CNTNAP2: variants seen among roughly 807,000 people sequenced by gnomAD.
The protein encoded by CNTNAP2 is contactin-associated protein-like 2.
Under a neutral mutation model 155.2 loss-of-function variants are expected in CNTNAP2, and 98 were observed. The observed-to-expected ratio is 0.63, with a 90% CI of 0.54 to 0.75. The LOEUF is 0.75. Among genes scored for constraint, CNTNAP2 ranks in the 30% least tolerant of loss-of-function variants. The pLI, the probability that CNTNAP2 is intolerant of heterozygous loss-of-function variation, is 0.00. For missense variants in CNTNAP2, 1,727 were observed against 1,688.1 expected, an observed-to-expected ratio of 1.02 and a Z score of -0.40; for synonymous variants, 651 against 631.2, an observed-to-expected ratio of 1.03 and a Z score of -0.47.
At chr7:148,091,091 T>G (rs1372809843) in intron 15 of CNTNAP2, among the ~76,000 whole-genome samples, 1 of 151,994 alleles carries the variant, frequency 6.6e-6, no homozygotes, top group Non-Finnish European at 1.5e-5. Flanking sequence ...TAGGTAGATC[T>G]TAGCCAAAGG....
chr7:148,011,180 TTG>T (rs1482456268), intron 15 of CNTNAP2, among the ~76,000 whole-genome samples: 2 of 152,146 alleles, frequency 1.3e-5, no homozygotes, highest in African/African-American at 4.8e-5. Flanking sequence ...TGTGAATTCT[TTG>T]TGTCTGACCT....
At chr7:147,181,057 A>G (rs971885084) in intron 8 of CNTNAP2, among the ~76,000 whole-genome samples, 2 of 152,192 alleles carry the variant, frequency 1.3e-5, no homozygotes, top group African/African-American at 4.8e-5. Flanking sequence ...ATGGCAGGGA[A>G]TATTTCACAG....
At chr7:148,278,336 G>A (rs1426614651) in intron 21 of CNTNAP2, among the ~76,000 whole-genome samples, 1 of 152,086 alleles carries the variant, frequency 6.6e-6, no homozygotes, top group African/African-American at 2.4e-5. Flanking sequence ...GAAAGCCGAG[G>A]CAGGCAGATC....
chr7:147,904,536 C>T (rs1799926317), intron 14 of CNTNAP2, among the ~76,000 whole-genome samples: 1 of 152,192 alleles, frequency 6.6e-6, no homozygotes, highest in African/African-American at 2.4e-5. Context: ...CAGCTGTGCA[C>T]ATAGCCAGTC....
At chr7:147,701,465 A>AT (rs1796235217) in intron 13 of CNTNAP2, among the ~76,000 whole-genome samples, 1 of 152,136 alleles carries the variant, frequency 6.6e-6, no homozygotes, top group African/African-American at 2.4e-5. Context: ...AGATATTTCA[A>AT]TTTTTTTAGA....
intron 3 of CNTNAP2, among the ~76,000 whole-genome samples, chr7:146,898,474 G>A (rs1795923140): frequency 6.6e-6 from 1 of 151,082 alleles, no homozygotes; most frequent in Non-Finnish European, 1.5e-5. Context: ...TAAATTAGTT[G>A]TGCAACTGGT....
At chr7:147,578,380 A>G (rs867100604) in intron 12 of CNTNAP2, among the ~76,000 whole-genome samples, 15 of 152,152 alleles carry the variant, frequency 9.9e-5, no homozygotes, top group African/African-American at 3.6e-4. Context: ...TAAGCATCTG[A>G]CTCATCTGGT....
chr7:146,673,597 G>T (rs1047556446), intron 1 of CNTNAP2, among the ~76,000 whole-genome samples: 5 of 151,990 alleles, frequency 3.3e-5, no homozygotes, highest in Non-Finnish European at 5.9e-5. Context: ...TCACACACAG[G>T]GTCCACCTGT....
chr7:146,406,287 C>T (rs1032600817), intron 1 of CNTNAP2, among the ~76,000 whole-genome samples: 2 of 152,188 alleles, frequency 1.3e-5, no homozygotes, highest in Non-Finnish European at 2.9e-5. Context: ...TCAGAATCCA[C>T]AAATTCTATT....
intron 8 of CNTNAP2, among the ~76,000 whole-genome samples, chr7:147,246,702 G>A (rs1277146647): frequency 6.6e-6 from 1 of 152,100 alleles, no homozygotes; most frequent in Non-Finnish European, 1.5e-5. Context: ...CATAGCAGAA[G>A]GTGATTTGCT....
At chr7:148,353,663 A>G (rs543653747) in intron 21 of CNTNAP2, among the ~76,000 whole-genome samples, 21 of 151,500 alleles carry the variant, frequency 1.4e-4, no homozygotes, top group Non-Finnish European at 3.1e-4. Context: ...TCACACACAC[A>G]CACACGCACA....
At chr7:146,287,138 T>C (rs191753281) in intron 1 of CNTNAP2, among the ~76,000 whole-genome samples, 60 of 152,316 alleles carry the variant, frequency 3.9e-4, no homozygotes, top group Non-Finnish European at 5.4e-4. Context: ...ACCACCTTTT[T>C]CTAAAGAATA....
chr7:146,728,901 A>C (rs1355421218), intron 1 of CNTNAP2, among the ~76,000 whole-genome samples: 1 of 152,162 alleles, frequency 6.6e-6, no homozygotes, highest in East Asian at 1.9e-4. Flanking sequence ...TCTCAGTGGA[A>C]ATATATTTAG....
chr7:147,612,590 T>C (rs1053248722), intron 12 of CNTNAP2, among the ~76,000 whole-genome samples: 1 of 151,860 alleles, frequency 6.6e-6, no homozygotes, highest in African/African-American at 2.4e-5. Flanking sequence ...TAGTAGAGGC[T>C]GAGTTTCACT....
At chr7:147,332,485 A>C (rs1409765769) in intron 9 of CNTNAP2, among the ~76,000 whole-genome samples, 1 of 152,180 alleles carries the variant, frequency 6.6e-6, no homozygotes, top group African/African-American at 2.4e-5. Flanking sequence ...GGAGAGGTTC[A>C]GTACTGGCAA....
intron 13 of CNTNAP2, among the ~76,000 whole-genome samples, chr7:147,821,967 G>A (rs551398052): frequency 1.3e-5 from 2 of 152,246 alleles, no homozygotes; most frequent in East Asian, 1.9e-4. Context: ...TTGGCAGTGA[G>A]AAAGGAAGAA....
At chr7:147,407,509 T>G (rs892119811) in intron 10 of CNTNAP2, among the ~76,000 whole-genome samples, 2 of 102,056 alleles carry the variant, frequency 2.0e-5, no homozygotes, top group African/African-American at 3.1e-5. Context: ...AAAAAAGAAA[T>G]ACCATACACA....
intron 11 of CNTNAP2, among the ~76,000 whole-genome samples, chr7:147,559,076 A>G (rs1298378835): frequency 2.0e-5 from 3 of 152,042 alleles, no homozygotes; most frequent in Non-Finnish European, 2.9e-5. Context: ...GGGTCTCACA[A>G]TGTTGCCCAG....
At chr7:146,478,636 G>A (rs1796914362) in intron 1 of CNTNAP2, among the ~76,000 whole-genome samples, 1 of 151,678 alleles carries the variant, frequency 6.6e-6, no homozygotes, top group Admixed American at 6.6e-5. Flanking sequence ...CCTCCTTCAA[G>A]TAGAGAAATC....
Sources: allele counts gnomAD v4.1 joint callset (sites outside exome capture counted in the v4.1 genomes callset), GRCh38; gene constraint gnomAD v4.1.1; transcripts MANE v1.5; gene names NCBI Gene and HGNC (gene_info 2026-07-23, HGNC 2026-07-21).